Variants in SERPINB6 observed in about 807,000 individuals in gnomAD.
The protein encoded by SERPINB6 is serpin family B member 6, also known as serpin B6.
Under a neutral mutation model 26.1 loss-of-function variants are expected in SERPINB6, and 16 were observed. The observed-to-expected ratio is 0.61, with a 90% CI of 0.42 to 0.93. The LOEUF is 0.93. Ranked by LOEUF, SERPINB6 falls within the 40% of genes least tolerant of loss-of-function variation. The pLI is 0.00. For synonymous variants in SERPINB6, 174 were observed against 176.6 expected, an observed-to-expected ratio of 0.99 and a Z score of 0.11; for missense variants, 420 against 478.0, an observed-to-expected ratio of 0.88 and a Z score of 1.13.
intron 1 of SERPINB6, among the ~76,000 whole-genome samples, chr6:2,964,795 A>G (rs1269598267): frequency 6.6e-6 from 1 of 152,124 alleles, no homozygotes; most frequent in Non-Finnish European, 1.5e-5. Context: ...CGTGTATACT[A>G]CTATTTTTGA....
intron 1 of SERPINB6, chr6:2,971,109 G>A (rs1772116369): frequency 9.3e-7 from 1 of 1,075,470 alleles, no homozygotes; most frequent in Non-Finnish European, 1.1e-6. Context: ...GGGGCCGACC[G>A]GGGTCACCTG....
intron 4 of SERPINB6, among the ~76,000 whole-genome samples, chr6:2,953,750 G>A (rs961269930): frequency 9.2e-5 from 14 of 152,160 alleles, no homozygotes; most frequent in African/African-American, 1.9e-4. Context: ...CAGGAGGACC[G>A]CTTGAGCACA....
chr6:2,954,850 C>A, intron 3 of SERPINB6, 141 bp from the exon 4 acceptor site: 1 of 686,170 alleles, frequency 1.5e-6, no homozygotes, highest in Non-Finnish European at 2.6e-6. Flanking sequence ...AGGACTTAAC[C>A]TAAACTACAA....
intron 1 of SERPINB6, chr6:2,969,924 C>T (rs1771976174): frequency 1.3e-6 from 1 of 751,570 alleles, no homozygotes; most frequent in African/African-American, 1.9e-5. Context: ...ATCACGAGGT[C>T]AGGAGTTTGA....
intron 1 of SERPINB6, chr6:2,962,156 C>T (rs985037747): frequency 5.1e-6 from 5 of 985,364 alleles, no homozygotes; most frequent in African/African-American, 1.7e-5. Flanking sequence ...AAAGCAAAGC[C>T]ACCTTTGTCT....
Position 2,971,299 on chromosome 6 carries a change from G to A in SERPINB6, c.-11+234C>T, listed in dbSNP as rs572344537. On this transcript the variant is annotated intron_variant, in intron 1 of 6. Transcript: ENST00000380539. ...TGCGAGGCTCCGGAAGGGAACCCAA[G>A]CCGGACGCTCGCCCGGGCCCCCGCC... The A allele has an allele frequency of 9.6e-5, 53 of 552,760 alleles. No individual in the cohort carries two copies. In the African/African-American group the frequency reaches 9.8e-4, roughly 10 times the overall value. The allele number at this position is 552,760 out of a possible 1,614,324, so 34.2% of individuals were successfully genotyped here.
chr6:2,970,633 G>C (rs1253435459), intron 1 of SERPINB6: 1 of 1,216,776 alleles, frequency 8.2e-7, no homozygotes, highest in Non-Finnish European at 1.0e-6. Context: ...AATGGACTCA[G>C]ATGCCCCCTC....
At chr6:2,952,658 TGA>T (rs1286613996) in intron 5 of SERPINB6, among the ~76,000 whole-genome samples, 2 of 152,144 alleles carry the variant, frequency 1.3e-5, no homozygotes, top group African/African-American at 2.4e-5. Context: ...TTCAGCAGGC[TGA>T]GTTGTTCCGC....
At chr6:2,955,774 C>T in intron 2 of SERPINB6, 104 bp from the exon 3 acceptor site, 2 of 1,305,844 alleles carry the variant, frequency 1.5e-6, no homozygotes, top group Non-Finnish European at 2.2e-6. Flanking sequence ...ACCCTTATTA[C>T]TGCTTAAAAG....
chr6:2,949,129 A>C, intron 5 of SERPINB6, 60 bp from the exon 6 acceptor site: 1 of 1,582,716 alleles, frequency 6.3e-7, no homozygotes, highest in East Asian at 2.3e-5. Context: ...CATGGGACAA[A>C]TGTGTCGGAG....
At chr6:2,957,690 G>A (rs966847250) in intron 2 of SERPINB6, 3 of 152,246 alleles carry the variant, frequency 2.0e-5, no homozygotes, top group African/African-American at 7.2e-5. Flanking sequence ...TAACAGCTTG[G>A]ACTAAAAGAG....
intron 1 of SERPINB6, 45 bp from the exon 2 acceptor site, chr6:2,959,387 C>T (rs1770856737): frequency 9.4e-6 from 15 of 1,598,586 alleles, no homozygotes; most frequent in South Asian, 3.3e-5. Flanking sequence ...ACAGCTTCCA[C>T]GCGACTGCAT....
chr6:2,962,089 C>A, intron 1 of SERPINB6: 1 of 985,368 alleles, frequency 1.0e-6, no homozygotes, highest in Non-Finnish European at 1.2e-6. Context: ...ACTCCGTCTC[C>A]GGTAATATCC....
intron 3 of SERPINB6, chr6:2,954,953 G>T (rs1206310980): frequency 6.4e-6 from 3 of 467,562 alleles, no homozygotes; most frequent in East Asian, 4.0e-5. Context: ...ACTTTGGGGG[G>T]CCGAGGCGGG....
intron 2 of SERPINB6, chr6:2,957,526 C>T (rs1255799373): frequency 6.6e-6 from 1 of 152,264 alleles, no homozygotes; most frequent in Non-Finnish European, 1.5e-5. Flanking sequence ...TTAGAAGATT[C>T]AGACAGCATC....
intron 5 of SERPINB6, among the ~76,000 whole-genome samples, 175 bp downstream of exon 5, chr6:2,952,869 T>A (rs1769966324): frequency 1.3e-5 from 2 of 152,232 alleles, no homozygotes; most frequent in South Asian, 4.1e-4. Flanking sequence ...AGCTTCAGAC[T>A]TGCCCTGTAG....
At chr6:2,970,046 C>T (rs74555524) in intron 1 of SERPINB6, 81,508 of 973,410 alleles carry the variant, frequency 0.084, 4,081 homozygotes, top group African/African-American at 0.21. Flanking sequence ...CACCACTGCA[C>T]TCCAGCCTGG....
Position 2,951,907 on chromosome 6 carries a change from C to G in SERPINB6, c.573+1137G>C, listed in dbSNP as rs3778258. 2.1e-3 allele frequency among the ~76,000 whole-genome samples: 323 copies of G among 152,290 alleles called. 10 individuals carry two copies. In the East Asian group the frequency reaches 0.049, roughly 23 times the overall value. ...CCCCTCCCCTCCCTTGTTCCTCCCC[C>G]TCCCTGCCACCGGGACTGCTGAAGC... On this transcript the variant is annotated intron_variant, in intron 5 of 6. Transcript: ENST00000380539.
At chr6:2,958,799 C>T (rs555541280) in intron 2 of SERPINB6, among the ~76,000 whole-genome samples, 14 of 152,206 alleles carry the variant, frequency 9.2e-5, no homozygotes, top group Admixed American at 6.5e-4. Context: ...GAAGGCTTTA[C>T]GCGTAAATGA....
Sources: gnomAD v4.1 joint callset for allele counts (sites outside exome capture counted in the v4.1 genomes callset) on GRCh38, gnomAD v4.1.1 for gene constraint, MANE v1.5 for transcripts, NCBI Gene and HGNC (gene_info 2026-07-23, HGNC 2026-07-21) for gene names.